The following SPMIP2 variants were observed in gnomAD, a reference collection of about 807,000 sequenced individuals.
The protein encoded by SPMIP2 is protein SPMIP2.
chr4:158,919,151 T>C, the SPMIP2 span, among the ~76,000 whole-genome samples: 1 of 152,176 alleles, frequency 6.6e-6, no homozygotes, highest in Non-Finnish European at 1.5e-5. Context: ...AGTACGTAAG[T>C]GTGTAATTCC....
chr4:159,078,671 T>G, the SPMIP2 span, among the ~76,000 whole-genome samples: 1 of 152,096 alleles, frequency 6.6e-6, no homozygotes, highest in Non-Finnish European at 1.5e-5. Flanking sequence ...AGGAAAGACA[T>G]GGGATTGTGT....
chr4:159,022,385 T>C, the SPMIP2 span, among the ~76,000 whole-genome samples: 1 of 152,192 alleles, frequency 6.6e-6, no homozygotes, highest in Non-Finnish European at 1.5e-5. Context: ...AATAATAAAA[T>C]TAAAAGTATG....
chr4:158,929,081 C>T, the SPMIP2 span, among the ~76,000 whole-genome samples: 10 of 152,248 alleles, frequency 6.6e-5, no homozygotes, highest in Non-Finnish European at 1.2e-4. Context: ...ACAGTATGAT[C>T]TTGGCTAACT....
the SPMIP2 span, chr4:159,038,474 T>C: frequency 6.6e-6 from 1 of 152,216 alleles, no homozygotes; most frequent in Non-Finnish European, 1.5e-5. Context: ...TTCTATCAAG[T>C]TGTTGACTTT....
At chr4:158,952,890 T>C in the SPMIP2 span, among the ~76,000 whole-genome samples, 1 of 152,132 alleles carries the variant, frequency 6.6e-6, no homozygotes, top group Non-Finnish European at 1.5e-5. Flanking sequence ...TCTTTGAACT[T>C]GAGAGAGATG....
At chr4:159,035,394 T>C in the SPMIP2 span, among the ~76,000 whole-genome samples, 1 of 152,324 alleles carries the variant, frequency 6.6e-6, no homozygotes, top group South Asian at 2.1e-4. Context: ...TCACAGGTAC[T>C]AGATCCAGTT....
At chr4:159,068,443 G>A in the SPMIP2 span, among the ~76,000 whole-genome samples, 7 of 150,724 alleles carry the variant, frequency 4.6e-5, no homozygotes, top group South Asian at 4.2e-4. Context: ...TCTCACTCAG[G>A]GGTGGGAATT....
At chr4:158,956,588 C>G in the SPMIP2 span, among the ~76,000 whole-genome samples, 2 of 152,202 alleles carry the variant, frequency 1.3e-5, no homozygotes, top group East Asian at 3.9e-4. Context: ...ATAAAATATC[C>G]AAGTCCAGAT....
At chr4:158,999,268 G>C in the SPMIP2 span, among the ~76,000 whole-genome samples, 6 of 152,018 alleles carry the variant, frequency 3.9e-5, no homozygotes, top group Non-Finnish European at 8.8e-5. Flanking sequence ...TTAAATGTAG[G>C]CATTGATAGC....
chr4:158,903,532 C>T, the SPMIP2 span, among the ~76,000 whole-genome samples: 71 of 152,264 alleles, frequency 4.7e-4, no homozygotes, highest in African/African-American at 1.7e-3. Context: ...TAATCATAAG[C>T]TTTTATTCCC....
At chr4:158,973,441 C>A in the SPMIP2 span, 2 of 484,230 alleles carry the variant, frequency 4.1e-6, no homozygotes, top group Non-Finnish European at 7.1e-6. Flanking sequence ...CTATTATAAG[C>A]CTTTTAGACA....
At chr4:158,964,153 AAAAC>A in the SPMIP2 span, among the ~76,000 whole-genome samples, 22 of 60,366 alleles carry the variant, frequency 3.6e-4, no homozygotes, top group African/African-American at 9.9e-4. Flanking sequence ...AGACTATCTC[AAAAC>A]AAAACAAAAC....
chr4:158,988,909 T>G, the SPMIP2 span, among the ~76,000 whole-genome samples: 1 of 152,074 alleles, frequency 6.6e-6, no homozygotes, highest in African/African-American at 2.4e-5. Flanking sequence ...GAGAAAGAAA[T>G]AAAGGGTATT....
chr4:158,965,679 A>G, the SPMIP2 span, among the ~76,000 whole-genome samples: 35,532 of 151,042 alleles, frequency 0.24, 4,504 homozygotes, highest in Non-Finnish European at 0.29. Context: ...AAAAAAAAAA[A>G]AAAAGGTACA....
At chr4:158,899,543 A>C in the SPMIP2 span, among the ~76,000 whole-genome samples, 3 of 152,210 alleles carry the variant, frequency 2.0e-5, no homozygotes, top group South Asian at 2.1e-4. Context: ...TTATCAGTCT[A>C]TTCAGGGATT....
At chr4:159,070,509 T>G in the SPMIP2 span, among the ~76,000 whole-genome samples, 1 of 152,244 alleles carries the variant, frequency 6.6e-6, no homozygotes, top group Non-Finnish European at 1.5e-5. Flanking sequence ...GAGTGGTGAT[T>G]AAGTTTTAAT....
the SPMIP2 span, among the ~76,000 whole-genome samples, chr4:158,950,447 G>C: frequency 5.3e-5 from 8 of 152,172 alleles, no homozygotes. Context: ...ACCAGGACTT[G>C]TCTTTTATAC....
chr4:159,073,522 A>G, the SPMIP2 span, among the ~76,000 whole-genome samples: 2 of 152,214 alleles, frequency 1.3e-5, no homozygotes, highest in East Asian at 1.9e-4. Flanking sequence ...AAAAAAATAA[A>G]TAAGTAAAAT....
chr4:158,946,274 CAGT>C, the SPMIP2 span, among the ~76,000 whole-genome samples: 2 of 152,202 alleles, frequency 1.3e-5, no homozygotes, highest in Non-Finnish European at 2.9e-5. Flanking sequence ...CTTTCAAAAA[CAGT>C]AGCTTTTCAA....
Sources: allele counts gnomAD v4.1 joint callset (sites outside exome capture counted in the v4.1 genomes callset), GRCh38; gene constraint gnomAD v4.1.1; transcripts MANE v1.5; gene names NCBI Gene and HGNC (gene_info 2026-07-23, HGNC 2026-07-21).